CCDC40: variants seen among roughly 807,000 people sequenced by gnomAD.
CCDC40 encodes coiled-coil domain-containing protein 40.
A neutral mutation model predicts 124.5 loss-of-function variants in CCDC40; 104 were observed. The ratio of observed to expected loss-of-function variants is 0.84; its 90% CI spans 0.71 to 0.98. The LOEUF is 0.98. CCDC40 is among the 50% of genes least tolerant of loss of function. CCDC40 has a pLI of 0.00. For synonymous variants in CCDC40, 580 were observed against 602.9 expected (o/e 0.96, Z 0.56); for missense variants, 1,463 against 1,503.9 (o/e 0.97, Z 0.45).
In CCDC40 at chr17:80,039,367, A is replaced by G. The variant is rs567485354; in HGVS notation, c.94-445A>G. On this transcript the variant is annotated intron_variant, in intron 2 of 19. Transcript: ENST00000397545. ...GGGCAGCAGAGTGAGCCCCTGTCACAAAAAAAAATAAAAAAAGAAAGAACA... is the reference window on the plus strand; with the variant it reads ...GGGCAGCAGAGTGAGCCCCTGTCACGAAAAAAAATAAAAAAAGAAAGAACA... Among the ~76,000 whole-genome samples, 9 of 125,224 alleles carry G rather than the reference A, an allele frequency of 7.2e-5. No individual in the cohort carries two copies. The East Asian group carries it at 1.8e-3, about 24-fold the overall frequency. The allele number at this position is 125,224 out of a possible 152,430, so 82.2% of individuals were successfully genotyped here. A position where few individuals can be genotyped will look rare whatever the true frequency, so the allele number is the denominator to read the frequency against.
At chr17:80,045,073 A>G (rs1309422161) in intron 3 of CCDC40, among the ~76,000 whole-genome samples, 3 of 152,214 alleles carry the variant, frequency 2.0e-5, no homozygotes, top group Non-Finnish European at 2.9e-5. Flanking sequence ...TTGTGGCTCC[A>G]GATGCCTCAG....
intron 3 of CCDC40, among the ~76,000 whole-genome samples, chr17:80,046,727 G>C (rs1482155175): frequency 2.6e-5 from 4 of 152,096 alleles, no homozygotes; most frequent in Middle Eastern, 6.3e-3. Flanking sequence ...TCGGCTCCTG[G>C]CCAGGGTCTC....
chr17:80,040,536 A>C (rs1172166586), intron 3 of CCDC40: 1 of 471,616 alleles, frequency 2.1e-6, no homozygotes, highest in Non-Finnish European at 3.9e-6. Context: ...AAAATTAGGC[A>C]GGCGTGGTGG....
At chr17:80,072,858 G>A (rs1392343308) in intron 10 of CCDC40, among the ~76,000 whole-genome samples, 4 of 152,256 alleles carry the variant, frequency 2.6e-5, no homozygotes, top group Non-Finnish European at 5.9e-5. Context: ...TTGGAATACC[G>A]TGAAGAAAGC....
At chr17:80,071,823 T>C (rs8070050) in intron 10 of CCDC40, among the ~76,000 whole-genome samples, 2,107 of 143,314 alleles carry the variant, frequency 0.015, 57 homozygotes, top group African/African-American at 0.053. Flanking sequence ...GCATTTTGGG[T>C]TTTTCAGCTT....
intron 7 of CCDC40, among the ~76,000 whole-genome samples, chr17:80,057,808 G>A (rs867578954): frequency 1.3e-5 from 2 of 151,988 alleles, no homozygotes; most frequent in African/African-American, 2.4e-5. Context: ...CCCTGGGGGC[G>A]GAGCTTGCAG....
chr17:80,059,144 A>G (rs1264934779), intron 9 of CCDC40, among the ~76,000 whole-genome samples, 164 bp downstream of exon 9: 1 of 152,182 alleles, frequency 6.6e-6, no homozygotes, highest in Non-Finnish European at 1.5e-5. Context: ...GGGCCACAGT[A>G]GATACTGACA....
At chr17:80,069,258 C>T (rs1283370353) in intron 10 of CCDC40, among the ~76,000 whole-genome samples, 4 of 151,968 alleles carry the variant, frequency 2.6e-5, no homozygotes, top group Non-Finnish European at 4.4e-5. Context: ...GTTGCTGCTG[C>T]GTGGGGGGGG....
intron 7 of CCDC40, among the ~76,000 whole-genome samples, chr17:80,055,993 TA>T (rs1568682462): frequency 1.4e-3 from 17 of 11,906 alleles, no homozygotes; most frequent in Non-Finnish European, 2.7e-3. Flanking sequence ...TATATATATA[TA>T]TATATATATA....
intron 10 of CCDC40, 106 bp downstream of exon 10, chr17:80,065,712 G>C: frequency 9.5e-6 from 14 of 1,472,058 alleles, no homozygotes; most frequent in Non-Finnish European, 1.3e-5. Context: ...CTGGGACAGA[G>C]GGTGCACCTT....
In CCDC40 at chr17:80,087,726, C is replaced by T; in HGVS notation, c.2569C>T (p.Leu857=). ...TAAAAACCGGTGCAGCTCGGAGGAG[C>T]TGGAGCAGAACAACCGGGTGACAGA... ...MNKNRCSSEE[L]EQNNRVTENE... Residue 857 remains leucine (L), a synonymous_variant, in exon 15 of 20, where the codon CTG becomes TTG. Coordinates refer to ENST00000397545, the MANE Select transcript of CCDC40 (RefSeq NM_017950.4). The surrounding 1 kb of genome is among the most constrained non-coding windows in gnomAD (Gnocchi z 4.5). The T allele has an allele frequency of 6.2e-7, 1 of 1,614,076 alleles. No individual in the cohort carries two copies. Among genetic ancestry groups the T allele is most frequent in the Non-Finnish European group, 8.5e-7 (1 of 1,179,936 alleles).
At chr17:80,085,670 T>C (rs1173440214) in intron 13 of CCDC40, among the ~76,000 whole-genome samples, 2 of 20,114 alleles carry the variant, frequency 9.9e-5, no homozygotes, top group African/African-American at 1.5e-4. Flanking sequence ...ATTTTGCTTT[T>C]TTTTTTTTTT....
Position 80,099,665 on chromosome 17 carries a change from A to G in CCDC40, c.3319A>G (p.Ile1107Val), listed in dbSNP as rs1309719379. The G allele has an allele frequency of 3.1e-6, 5 of 1,613,660 alleles. No individual in the cohort carries two copies. The highest frequency in any genetic ancestry group is 4.5e-5 in the East Asian group (2 of 44,880). The change falls in exon 20 of 20, where the codon ATC becomes GTC. Residue 1107 changes from isoleucine (I) to valine (V), a missense_variant. Transcript: ENST00000397545. ...RQRLDKRLAL[I>V]ATILDRVRDE... The stretch of plus-strand genomic sequence containing the variant: ...GCGCCTGGACAAGCGACTGGCTCTC[A>G]TCGCCACCATCCTGGACCGCGTGCG...
At chr17:80,064,727 C>T (rs543221253) in intron 9 of CCDC40, among the ~76,000 whole-genome samples, 1 of 151,874 alleles carries the variant, frequency 6.6e-6, no homozygotes, top group South Asian at 2.1e-4. Flanking sequence ...CCCTCACTGC[C>T]CCCCACGATG....
rs749446675 is a variant in CCDC40 at position 80,039,966 on chromosome 17, C to T, written c.248C>T (p.Ala83Val). The T allele has an allele frequency of 5.5e-5, 88 of 1,611,858 alleles. No individual in the cohort carries two copies. The highest frequency in any genetic ancestry group is 7.1e-5 in the Non-Finnish European group (84 of 1,178,102). ...GCAGCAGTGGAAGGGGAAGAGGAGG[C>T]TGTGTCCTATGGAGATGCTGAAAGC... ...GEAAVEGEEEAVSYGDAESEE... is the reference protein window; with the variant it reads ...GEAAVEGEEEVVSYGDAESEE... Residue 83 changes from alanine to valine, a missense_variant, in exon 3 of 20, where the codon GCT (alanine) becomes GTT (valine). Physicochemically the swap from Ala to Val is moderately conservative, Grantham distance 64 (BLOSUM62 0). Coordinates refer to ENST00000397545, the MANE Select transcript of CCDC40 (RefSeq NM_017950.4).
intron 10 of CCDC40, among the ~76,000 whole-genome samples, chr17:80,077,990 A>C (rs1173071785): frequency 6.6e-6 from 1 of 152,148 alleles, no homozygotes; most frequent in Non-Finnish European, 1.5e-5. Flanking sequence ...AACTTATTAA[A>C]TATTTTCTTT....
chr17:80,099,590 C>T lies in CCDC40; in HGVS notation c.3244C>T (p.Arg1082Cys), dbSNP rs1055443134. 20 of 1,613,348 alleles carry T rather than the reference C, an allele frequency of 1.2e-5. No homozygotes were observed. Among genetic ancestry groups the T allele is most frequent in the East Asian group, 2.2e-5 (1 of 44,890 alleles). The change falls in exon 20 of 20, where the codon CGC becomes TGC. Residue 1082 changes from arginine (R) to cysteine (C), a missense_variant. Coordinates refer to ENST00000397545, the MANE Select transcript of CCDC40 (RefSeq NM_017950.4). ...GCACCTGCAGGCTGTGAAGGAGGGG[C>T]GCTACGTGTTCCTGTTCCGCTCCAA... ...LKHLQAVKEG[R>C]YVFLFRSKQS... is the part of the protein sequence containing the mutation.
chr17:80,087,495 A>C lies in CCDC40; in HGVS notation c.2450-112A>C. 1 of 783,090 alleles carries C rather than the reference A, an allele frequency of 1.3e-6. No individual in the cohort carries two copies. Among genetic ancestry groups the C allele is most frequent in the East Asian group, 2.7e-5 (1 of 37,664 alleles). 48.5% of individuals were successfully genotyped at this position (783,090 alleles called of 1,614,324 possible). A position where few individuals can be genotyped will look rare whatever the true frequency, so the allele number is the denominator to read the frequency against. On this transcript the variant is annotated intron_variant, in intron 14 of 19. Transcript: ENST00000397545. This position sits in a 1 kb window ranked among gnomAD's most constrained non-coding sequence, Gnocchi z 4.5. ...AGGAACGACAAGAGGGAGGGGATGAAGGGAGCTACAGGGAGAGACAAAACC... is the reference window on the plus strand; with the variant it reads ...AGGAACGACAAGAGGGAGGGGATGACGGGAGCTACAGGGAGAGACAAAACC...
chr17:80,046,978 T>A (rs2037438009), intron 3 of CCDC40, among the ~76,000 whole-genome samples: 1 of 152,126 alleles, frequency 6.6e-6, no homozygotes, highest in Admixed American at 6.5e-5. Flanking sequence ...CCCAAGTAGC[T>A]GGGATTACAG....
Sources: gnomAD v4.1 joint callset for allele counts (sites outside exome capture counted in the v4.1 genomes callset) on GRCh38, gnomAD v4.1.1 for gene constraint, Gnocchi (gnomAD v3.1) non-coding constraint, MANE v1.5 for transcripts, NCBI Gene and HGNC (gene_info 2026-07-23, HGNC 2026-07-21) for gene names.